The following SGCD variants were observed in gnomAD, a reference collection of about 807,000 sequenced individuals.
SGCD encodes the protein delta-sarcoglycan.
In SGCD, 18 loss-of-function variants were observed where a neutral mutation model predicts 36.6. The ratio of observed to expected loss-of-function variants is 0.49; its 90% CI spans 0.34 to 0.73. SGCD has a LOEUF of 0.73. Ranked by LOEUF, SGCD falls within the 30% of genes least tolerant of loss-of-function variation. SGCD has a pLI of 0.01. For missense variants in SGCD, 387 were observed against 346.7 expected, an observed-to-expected ratio of 1.12 and a Z score of -0.92; for synonymous variants, 133 against 130.6, an observed-to-expected ratio of 1.02 and a Z score of -0.12.
At chr5:155,888,186 G>A (rs1210704392) in intron 1 of SGCD, among the ~76,000 whole-genome samples, 1 of 152,156 alleles carries the variant, frequency 6.6e-6, no homozygotes, top group Non-Finnish European at 1.5e-5. Context: ...GCAGTTTCCT[G>A]TATGGTCACT....
intron 1 of SGCD, among the ~76,000 whole-genome samples, chr5:155,892,222 C>T (rs1192443294): frequency 6.6e-6 from 1 of 151,962 alleles, no homozygotes; most frequent in Non-Finnish European, 1.5e-5. Flanking sequence ...CTTTGGGAGG[C>T]TGAGGTGGGT....
chr5:156,244,453 G>C lies in SGCD; in HGVS notation c.-43-85081G>C, dbSNP rs1023950923. Among the ~76,000 whole-genome samples the C allele has an allele frequency of 1.4e-4, 22 of 152,098 alleles. 2 individuals carry two copies. Among genetic ancestry groups the C allele is most frequent in the Admixed American group, 1.3e-3 (20 of 15,252 alleles). ...TTTAATTGATCTTTGCTGTATAACA[G>C]GATGTCCTTATGTAACAGAATGTTC... On this transcript the variant is annotated intron_variant, in intron 3 of 9. Coordinates refer to the SGCD transcript ENST00000517913.
At chr5:156,489,646 A>G (rs1320337226) in intron 3 of SGCD, among the ~76,000 whole-genome samples, 1 of 152,106 alleles carries the variant, frequency 6.6e-6, no homozygotes, top group Non-Finnish European at 1.5e-5. Context: ...TAAAGAAATT[A>G]AGAAAATCAA....
chr5:156,390,669 T>G (rs10476374), intron 3 of SGCD, among the ~76,000 whole-genome samples: 102,632 of 151,964 alleles, frequency 0.68, 35,106 homozygotes, highest in Middle Eastern at 0.85. Flanking sequence ...GGCAGAGGTT[T>G]CAGTGAGTCA....
intron 3 of SGCD, among the ~76,000 whole-genome samples, chr5:156,472,780 G>A (rs893835893): frequency 6.6e-6 from 1 of 152,002 alleles, no homozygotes; most frequent in Admixed American, 6.6e-5. Context: ...AGACACCAAA[G>A]AATACATACT....
chr5:156,508,275 T>C (rs1207193228), intron 3 of SGCD, among the ~76,000 whole-genome samples: 1 of 152,154 alleles, frequency 6.6e-6, no homozygotes, highest in African/African-American at 2.4e-5. Flanking sequence ...ATTATCCTTT[T>C]CTCTCCTCCT....
chr5:156,604,965 T>G (rs924806665), intron 6 of SGCD, among the ~76,000 whole-genome samples: 8 of 151,764 alleles, frequency 5.3e-5, no homozygotes, highest in African/African-American at 1.9e-4. Context: ...ATTAAGGGAT[T>G]GAAAGATTTA....
chr5:156,507,921 A>C (rs1445314134), intron 3 of SGCD, among the ~76,000 whole-genome samples: 1 of 152,198 alleles, frequency 6.6e-6, no homozygotes, highest in Non-Finnish European at 1.5e-5. Flanking sequence ...GTTTGATATT[A>C]AGGAATGATT....
intron 3 of SGCD, among the ~76,000 whole-genome samples, chr5:156,358,488 T>G (rs1026323927): frequency 6.6e-6 from 1 of 152,206 alleles, no homozygotes; most frequent in African/African-American, 2.4e-5. Context: ...ATTGACAGCC[T>G]TATGAATGAG....
At chr5:155,937,945 G>A (rs991523743) in intron 1 of SGCD, among the ~76,000 whole-genome samples, 2 of 152,228 alleles carry the variant, frequency 1.3e-5, no homozygotes, top group Admixed American at 1.3e-4. Flanking sequence ...CCTGTGGCCT[G>A]TAGCTTGCCA....
At chr5:155,941,783 T>C (rs932835591) in intron 1 of SGCD, among the ~76,000 whole-genome samples, 1 of 152,160 alleles carries the variant, frequency 6.6e-6, no homozygotes, top group Non-Finnish European at 1.5e-5. Context: ...ATCCTTATAA[T>C]AATTAATTGA....
chr5:156,201,522 G>T (rs1764150375), intron 3 of SGCD, among the ~76,000 whole-genome samples: 1 of 152,110 alleles, frequency 6.6e-6, no homozygotes, highest in Non-Finnish European at 1.5e-5. Context: ...GTTTTGGTTG[G>T]AGGCCCACGG....
intron 1 of SGCD, among the ~76,000 whole-genome samples, chr5:156,068,017 A>G (rs1415588221): frequency 6.6e-6 from 1 of 151,696 alleles, no homozygotes; most frequent in African/African-American, 2.4e-5. Context: ...AATTTTGTTG[A>G]AACAAGTAAC....
At chr5:156,147,111 C>T (rs2127613323) in intron 3 of SGCD, among the ~76,000 whole-genome samples, 1 of 152,186 alleles carries the variant, frequency 6.6e-6, no homozygotes, top group East Asian at 1.9e-4. Context: ...ACGTAATGTC[C>T]ACCACAAAAG....
chr5:156,247,472 A>C (rs1196650076), intron 3 of SGCD, among the ~76,000 whole-genome samples: 1 of 152,224 alleles, frequency 6.6e-6, no homozygotes, highest in Non-Finnish European at 1.5e-5. Flanking sequence ...AATGTAGGGA[A>C]ACCAGGTGAG....
intron 1 of SGCD, among the ~76,000 whole-genome samples, chr5:155,958,614 A>C (rs1010631033): frequency 3.3e-5 from 5 of 152,158 alleles, no homozygotes; most frequent in Admixed American, 2.6e-4. Flanking sequence ...CCATTGAGCA[A>C]ATGTAAGCAT....
At chr5:156,633,260 G>C (rs1762703041) in intron 6 of SGCD, among the ~76,000 whole-genome samples, 1 of 152,194 alleles carries the variant, frequency 6.6e-6, no homozygotes, top group Admixed American at 6.5e-5. Context: ...TTTAGTTTCA[G>C]TTCTCAAGCT....
intron 1 of SGCD, among the ~76,000 whole-genome samples, chr5:155,967,189 A>G (rs1757919908): frequency 1.3e-5 from 2 of 151,974 alleles, no homozygotes; most frequent in South Asian, 4.1e-4. Flanking sequence ...GTAGATGTTG[A>G]GCTGCCTGGG....
At chr5:156,551,561 TG>T (rs1251473190) in intron 4 of SGCD, among the ~76,000 whole-genome samples, 4 of 151,824 alleles carry the variant, frequency 2.6e-5, no homozygotes, top group Non-Finnish European at 5.9e-5. Flanking sequence ...ACTTGGCACA[TG>T]GTGAAAATTC....
Sources: gnomAD v4.1 joint callset for allele counts (sites outside exome capture counted in the v4.1 genomes callset) on GRCh38, gnomAD v4.1.1 for gene constraint, MANE v1.5 for transcripts, NCBI Gene and HGNC (gene_info 2026-07-23, HGNC 2026-07-21) for gene names.